SMC5: variants seen among roughly 807,000 people sequenced by gnomAD.
The protein encoded by SMC5 is structural maintenance of chromosomes 5.
SMC5 carries 88 observed loss-of-function variants against 148.3 expected under a neutral mutation model. The observed-to-expected ratio is 0.59, with a 90% CI of 0.50 to 0.71. The LOEUF (loss-of-function observed/expected upper bound fraction) is 0.71. Ranked by LOEUF, SMC5 falls within the 30% of genes least tolerant of loss-of-function variation. The pLI, the probability that SMC5 is intolerant of heterozygous loss-of-function variation, is 0.00. For missense variants in SMC5, 1,142 were observed against 1,298.9 expected (o/e 0.88, Z 1.86); for synonymous variants, 421 against 432.8 (o/e 0.97, Z 0.34).
At chr9:70,325,848 G>C (rs1053824103) in intron 17 of SMC5, among the ~76,000 whole-genome samples, 1 of 151,982 alleles carries the variant, frequency 6.6e-6, no homozygotes, top group East Asian at 1.9e-4. Flanking sequence ...TTATAGTAGG[G>C]AGCCAATAGA....
At chr9:70,316,545 T>G (rs1205264004) in intron 13 of SMC5, among the ~76,000 whole-genome samples, 2 of 152,064 alleles carry the variant, frequency 1.3e-5, no homozygotes, top group African/African-American at 4.8e-5. Context: ...TACTCTTTTT[T>G]CTTAATTCAC....
At chr9:70,307,215 A>C (rs2035527399) in intron 11 of SMC5, among the ~76,000 whole-genome samples, 1 of 152,190 alleles carries the variant, frequency 6.6e-6, no homozygotes. Flanking sequence ...CAATGTGGTG[A>C]AACCCTGTCT....
intron 5 of SMC5, 93 bp downstream of exon 5, chr9:70,278,718 T>C: frequency 7.8e-7 from 1 of 1,278,080 alleles, no homozygotes; most frequent in Non-Finnish European, 1.1e-6. Flanking sequence ...ATTCATTGAG[T>C]GAATTCGTAT....
chr9:70,302,081 C>CT (rs1342548007), intron 10 of SMC5, among the ~76,000 whole-genome samples: 1 of 152,188 alleles, frequency 6.6e-6, no homozygotes, highest in East Asian at 1.9e-4. Context: ...ATGTCTAAAT[C>CT]TTCCTTAAGG....
intron 11 of SMC5, chr9:70,311,062 A>AT (rs1478064993): frequency 3.3e-5 from 5 of 152,196 alleles, no homozygotes; most frequent in African/African-American, 1.2e-4. Flanking sequence ...TTGCTTTCTT[A>AT]TTTGTGTGTA....
chr9:70,259,948 C>CT (rs1409704215), intron 1 of SMC5, among the ~76,000 whole-genome samples: 35 of 110,292 alleles, frequency 3.2e-4, no homozygotes, highest in South Asian at 1.8e-3. Context: ...TTTTTTTCCT[C>CT]TTTTTTTTTG....
At position 70,352,114 on chromosome 9, in the gene SMC5, G is replaced by A. The variant is rs184161057; in HGVS notation, c.3166-77G>A. The A allele has an allele frequency of 3.6e-5, 46 of 1,264,310 alleles. No homozygotes were observed. In the African/African-American group the frequency reaches 6.5e-4, roughly 18 times the overall value. The allele number at this position is 1,264,310 out of a possible 1,614,324, so 78.3% of individuals were successfully genotyped here. A position where few individuals can be genotyped will look rare whatever the true frequency, so the allele number is the denominator to read the frequency against. ...ATATTGCAAATAAAATAATACATTTGACTGTACACATGTAAGGTTGGAAAA... is the reference window on the plus strand; with the variant it reads ...ATATTGCAAATAAAATAATACATTTAACTGTACACATGTAAGGTTGGAAAA... On this transcript the variant is annotated intron_variant, in intron 24 of 24. Coordinates refer to ENST00000361138, the MANE Select transcript of SMC5 (RefSeq NM_015110.4).
intron 6 of SMC5, 108 bp from the exon 7 acceptor site, chr9:70,282,314 A>G (rs1406364528): frequency 1.7e-6 from 2 of 1,201,562 alleles, no homozygotes; most frequent in African/African-American, 1.6e-5. Flanking sequence ...CTGTTTTGAT[A>G]TCAAAACAAT....
intron 3 of SMC5, among the ~76,000 whole-genome samples, chr9:70,270,267 T>C (rs1404962922): frequency 6.6e-6 from 1 of 152,194 alleles, no homozygotes; most frequent in Non-Finnish European, 1.5e-5. Context: ...AAGATGCAGA[T>C]GATTAGCAAA....
chr9:70,294,060 C>T (rs1168887767), intron 8 of SMC5, among the ~76,000 whole-genome samples: 1 of 152,012 alleles, frequency 6.6e-6, no homozygotes, highest in Non-Finnish European at 1.5e-5. Flanking sequence ...AGTCTCCTTA[C>T]ATTCTACAAA....
intron 10 of SMC5, 68 bp from the exon 11 acceptor site, chr9:70,305,179 A>G (rs2035463657): frequency 2.9e-6 from 2 of 682,918 alleles, no homozygotes; most frequent in Non-Finnish European, 5.1e-6. Context: ...ATCCAATTTT[A>G]ATATAAACAT....
intron 1 of SMC5, among the ~76,000 whole-genome samples, chr9:70,263,961 C>T (rs137867927): frequency 1.6e-4 from 24 of 152,160 alleles, no homozygotes; most frequent in African/African-American, 4.1e-4. Flanking sequence ...TAAGCCGTGG[C>T]GTCTCCTATA....
chr9:70,347,165 T>G lies in SMC5; in HGVS notation c.2664+4T>G. ...CTTCACGGGACTGAATCCTACAGTA[T>G]GCCTGTTTCTCTATTCCCATTCTGC... On this transcript the variant is annotated splice_donor_region_variant and intron_variant, in intron 20 of 24. Coordinates refer to ENST00000361138, the MANE Select transcript of SMC5 (RefSeq NM_015110.4). 1 of 1,612,178 alleles carries G rather than the reference T, an allele frequency of 6.2e-7. No individual in the cohort carries two copies. The highest frequency in any genetic ancestry group is 1.1e-5 in the South Asian group (1 of 91,020).
chr9:70,334,807 A>G (rs1564066871), intron 17 of SMC5, among the ~76,000 whole-genome samples: 1 of 152,222 alleles, frequency 6.6e-6, no homozygotes, highest in South Asian at 2.1e-4. Flanking sequence ...TCACCGTACT[A>G]AAGGAAGTAT....
At chr9:70,297,492 A>G (rs1342246490) in intron 8 of SMC5, among the ~76,000 whole-genome samples, 2 of 152,224 alleles carry the variant, frequency 1.3e-5, no homozygotes, top group Non-Finnish European at 2.9e-5. Flanking sequence ...CACTAAAAAA[A>G]TTTCAGATTT....
rs561567100 is a variant in SMC5, at chr9:70,279,817, CAAAAAAA to C, written c.679-927_679-921del. ...GGGCAACAAGAGCAAAACTCCGTTT[CAAAAAAA>C]AAAAAAAAAAAAAAGGAAATCTGTT... On this transcript the variant is annotated intron_variant, in intron 5 of 24. Transcript: ENST00000361138. Among the ~76,000 whole-genome samples, 219 of 56,604 alleles carry C rather than the reference CAAAAAAA, an allele frequency of 3.9e-3. 1 individual carries two copies. The highest frequency in any genetic ancestry group is 0.013 in the East Asian group (24 of 1,868). The allele number at this position is 56,604 out of a possible 152,430, so 37.1% of individuals were successfully genotyped here.
chr9:70,270,448 T>A (rs2034416169), intron 3 of SMC5, among the ~76,000 whole-genome samples: 1 of 152,058 alleles, frequency 6.6e-6, no homozygotes, highest in South Asian at 2.1e-4. Context: ...CCTGCTTCCC[T>A]TCCCAGAGGA....
intron 17 of SMC5, among the ~76,000 whole-genome samples, chr9:70,335,839 A>T (rs2036341626): frequency 6.6e-6 from 1 of 152,054 alleles, no homozygotes; most frequent in African/African-American, 2.4e-5. Context: ...TGAGTTACCA[A>T]AAAAAAATTA....
intron 3 of SMC5, among the ~76,000 whole-genome samples, chr9:70,275,222 T>C (rs1291540893): frequency 6.6e-6 from 1 of 152,156 alleles, no homozygotes; most frequent in Non-Finnish European, 1.5e-5. Flanking sequence ...TATTCCTTTT[T>C]TTGTTGTTTT....
Sources: gnomAD v4.1 joint callset for allele counts (sites outside exome capture counted in the v4.1 genomes callset) on GRCh38, gnomAD v4.1.1 for gene constraint, MANE v1.5 for transcripts, NCBI Gene and HGNC (gene_info 2026-07-23, HGNC 2026-07-21) for gene names.